The following PHF10 variants were observed in gnomAD, a reference collection of about 807,000 sequenced individuals.
PHF10 encodes BRG1-associated factor 45a.
In PHF10, 51 loss-of-function variants were observed where a neutral mutation model predicts 68.5. The observed-to-expected ratio is 0.74, with a 90% CI of 0.59 to 0.94. The LOEUF is 0.94. PHF10 is among the 40% of genes least tolerant of loss of function. PHF10 has a pLI of 0.00. For synonymous variants in PHF10, 204 were observed against 203.5 expected, an observed-to-expected ratio of 1.00 and a Z score of -0.02; for missense variants, 460 against 602.6, an observed-to-expected ratio of 0.76 and a Z score of 2.48.
chr6:169,707,594 C>T (rs1218082081), intron 9 of PHF10: 1 of 152,114 alleles, frequency 6.6e-6, no homozygotes, highest in Non-Finnish European at 1.5e-5. Context: ...ATTCTAAAAA[C>T]AGAACTCCTC....
At chr6:169,713,192 A>G (rs986327446) in intron 7 of PHF10, among the ~76,000 whole-genome samples, 24 of 152,322 alleles carry the variant, frequency 1.6e-4, no homozygotes, top group Admixed American at 1.2e-3. Context: ...GCCCCCATTC[A>G]GGAGGCAACC....
chr6:169,721,703 T>G (rs1789183175), intron 1 of PHF10, among the ~76,000 whole-genome samples: 2 of 152,104 alleles, frequency 1.3e-5, no homozygotes. Context: ...ATTATATATT[T>G]TTAATGTAAT....
rs1302666394 is a variant in PHF10 at position 169,723,750 on chromosome 6, G to A, written c.87+95C>T. ...GCGCCCGGCCTGGGCCCACGCCCCC[G>A]AGACGCTGGGCGGCCGCCGGTGGGA... is the stretch of plus-strand genomic sequence containing the variant. On this transcript the variant is annotated intron_variant, in intron 1 of 11. Coordinates refer to ENST00000339209, the MANE Select transcript of PHF10 (RefSeq NM_018288.4). 6.7e-5 allele frequency: 23 copies of A among 345,096 alleles called. No individual in the cohort carries two copies. The Admixed American group carries it at 1.1e-3, about 16-fold the overall frequency. The allele number at this position is 345,096 out of a possible 1,614,324, so 21.4% of individuals were successfully genotyped here.
chr6:169,723,744 GC>G, intron 1 of PHF10, 100 bp downstream of exon 1: 1 of 323,822 alleles, frequency 3.1e-6, no homozygotes, highest in Non-Finnish European at 4.7e-6. Context: ...CTGGGCCCAC[GC>G]CCCCGAGACG....
chr6:169,706,868 T>C (rs1322440296), intron 9 of PHF10, among the ~76,000 whole-genome samples: 1 of 152,038 alleles, frequency 6.6e-6, no homozygotes, highest in African/African-American at 2.4e-5. Context: ...CTTTCCTAAT[T>C]TACTGAACCA....
At chr6:169,723,020 G>C (rs1255151078) in intron 1 of PHF10, among the ~76,000 whole-genome samples, 1 of 152,196 alleles carries the variant, frequency 6.6e-6, no homozygotes, top group African/African-American at 2.4e-5. Context: ...GTGCGCAACG[G>C]GAAAAGCTCC....
chr6:169,714,627 T>C (rs1408522748), intron 7 of PHF10, 106 bp downstream of exon 7: 1 of 707,920 alleles, frequency 1.4e-6, no homozygotes, highest in Non-Finnish European at 2.6e-6. Flanking sequence ...ATACGATATC[T>C]TACGGTGATA....
At chr6:169,717,713 T>C in intron 4 of PHF10, 110 bp downstream of exon 4, 1 of 603,374 alleles carries the variant, frequency 1.7e-6, no homozygotes, top group East Asian at 3.0e-5. Flanking sequence ...ATTTAAATAG[T>C]TCAATTTATT....
At chr6:169,710,498 A>G in intron 8 of PHF10, 107 bp from the exon 9 acceptor site, 3 of 800,526 alleles carry the variant, frequency 3.7e-6, no homozygotes, top group Non-Finnish European at 6.1e-6. Context: ...AAGCTTTATC[A>G]TTTTAAAAAT....
intron 9 of PHF10, chr6:169,709,715 T>C (rs1249369014): frequency 6.6e-6 from 1 of 152,218 alleles, no homozygotes; most frequent in Non-Finnish European, 1.5e-5. Context: ...ACAGGTTTTA[T>C]TATTTTCTAT....
At chr6:169,708,433 C>T (rs1227279969) in intron 9 of PHF10, 2 of 151,924 alleles carry the variant, frequency 1.3e-5, no homozygotes, top group Non-Finnish European at 2.9e-5. Flanking sequence ...AAACTATGAC[C>T]TTTAGCTTGA....
In PHF10 at chr6:169,712,369, G is replaced by A; in HGVS notation, c.957+17C>T. ...AAGAGAAAGGAAATGCTTCCTACTA[G>A]AGAGAAATGTTCTCACCGAAGTGCC... On this transcript the variant is annotated intron_variant, in intron 8 of 11. Coordinates refer to ENST00000339209, the MANE Select transcript of PHF10 (RefSeq NM_018288.4). 1 of 1,608,422 alleles carries A rather than the reference G, an allele frequency of 6.2e-7. No homozygotes were observed. The highest frequency in any genetic ancestry group is 8.5e-7 in the Non-Finnish European group (1 of 1,175,400).
intron 11 of PHF10, chr6:169,704,696 T>C (rs2128328277): frequency 5.9e-6 from 1 of 170,838 alleles, no homozygotes; most frequent in Non-Finnish European, 1.4e-5. Flanking sequence ...AATGTTTTAG[T>C]CCAATTACTG....
At chr6:169,713,846 G>C (rs959663399) in intron 7 of PHF10, among the ~76,000 whole-genome samples, 3 of 152,116 alleles carry the variant, frequency 2.0e-5, no homozygotes, top group Admixed American at 1.3e-4. Flanking sequence ...AAAATGGGCT[G>C]GGCACAGTGG....
At chr6:169,717,601 A>G (rs1789080592) in intron 4 of PHF10, 1 of 441,102 alleles carries the variant, frequency 2.3e-6, no homozygotes, top group African/African-American at 2.0e-5. Flanking sequence ...CTTTCACACC[A>G]TCATGAAGCT....
chr6:169,704,014 T>C lies in PHF10; in HGVS notation c.1486A>G (p.Lys496Glu). The C allele has an allele frequency of 6.2e-7, 1 of 1,601,566 alleles. No homozygotes were observed. The highest frequency in any genetic ancestry group is 8.5e-7 in the Non-Finnish European group (1 of 1,175,920). The change falls in exon 12 of 12, where the codon AAA (lysine) becomes GAA (glutamate). Residue 496 changes from lysine to glutamate, a missense_variant. Around this residue, in one of 3 missense-constraint regions of PHF10, gnomAD observed 111 missense variants for 109.7 expected, o/e 1.01. Coordinates refer to ENST00000339209, the MANE Select transcript of PHF10 (RefSeq NM_018288.4). ...RKVGRRGKNS[K>E]EG ...AGTCAAAAACTATTTTATCCCTCTT[T>C]GCTGTTTTTCCCCCTTCTGCCCACT... is the stretch of plus-strand genomic sequence containing the variant.
At chr6:169,705,405 C>A in intron 10 of PHF10, 84 bp from the exon 11 acceptor site, 1 of 953,128 alleles carries the variant, frequency 1.0e-6, no homozygotes, top group Non-Finnish European at 1.6e-6. Context: ...TGCTTTAGGA[C>A]TTCCAGAGAA....
In PHF10 at chr6:169,712,441, G is replaced by C. The variant is rs747465431; in HGVS notation, c.902C>G (p.Ser301Ter). 1.2e-6 allele frequency: 2 copies of C among 1,614,040 alleles called. No homozygotes were observed. The highest frequency in any genetic ancestry group is 8.5e-7 in the Non-Finnish European group (1 of 1,179,918). Reference protein sequence around the residue: ...ELPALDSDGDSDDGEDGRGDE... With the variant: ...ELPALDSDGD ...ACCTCGACCATCTTCGCCATCATCT[G>C]AATCACCATCACTGTCTAGAGCAGG... The change falls in exon 8 of 12, where the codon TCA (serine) becomes TGA (stop). Residue 301 changes from serine to a stop codon, truncating the protein, a stop_gained. Coordinates refer to ENST00000339209, the MANE Select transcript of PHF10 (RefSeq NM_018288.4). LOFTEE classifies it high-confidence loss of function.
At chr6:169,711,941 A>C (rs948165999) in intron 8 of PHF10, among the ~76,000 whole-genome samples, 1 of 151,902 alleles carries the variant, frequency 6.6e-6, no homozygotes, top group Non-Finnish European at 1.5e-5. Context: ...TGCTACAAAA[A>C]AAAAAGTCAT....
Sources: gnomAD v4.1 joint callset for allele counts (sites outside exome capture counted in the v4.1 genomes callset) on GRCh38, gnomAD v4.1.1 for gene constraint, gnomAD v4.1.1 regional missense constraint, MANE v1.5 for transcripts, NCBI Gene and HGNC (gene_info 2026-07-23, HGNC 2026-07-21) for gene names.